The following CHD2 variants were observed in gnomAD, a reference collection of about 807,000 sequenced individuals.
CHD2 encodes the protein ATP-dependent chromatin remodeler CHD2.
A neutral mutation model predicts 243.9 loss-of-function variants in CHD2; 28 were observed. The observed-to-expected ratio is 0.11, with a 90% CI of 0.09 to 0.16. CHD2 has a LOEUF of 0.16. CHD2 is among the 10% of genes least tolerant of loss of function. The pLI is 1.00. For missense variants in CHD2, 1,386 were observed against 2,209.8 expected, an observed-to-expected ratio of 0.63 and a Z score of 7.47; for synonymous variants, 775 against 779.0, an observed-to-expected ratio of 0.99 and a Z score of 0.09.
intron 22 of CHD2, among the ~76,000 whole-genome samples, chr15:92,980,211 A>AT (rs1206516115): frequency 1.8e-5 from 2 of 112,806 alleles, no homozygotes; most frequent in African/African-American, 6.2e-5. Flanking sequence ...CACCTAGCTA[A>AT]TTTTTTTTTT....
Position 92,997,832 on chromosome 15 carries a change from C to G in CHD2, c.3885+429C>G, listed in dbSNP as rs1452951779. 1.3e-5 allele frequency among the ~76,000 whole-genome samples: 2 copies of G among 152,154 alleles called. No individual in the cohort carries two copies. Among genetic ancestry groups the G allele is most frequent in the East Asian group, 1.9e-4 (1 of 5,186 alleles). On this transcript the variant is annotated intron_variant, in intron 30 of 38. Coordinates refer to ENST00000394196, the MANE Select transcript of CHD2 (RefSeq NM_001271.4). This position sits in a 1 kb window ranked among gnomAD's most constrained non-coding sequence, Gnocchi z 4.1. ...GTAATGGAATTAAACATTGGCTGTT[C>G]TTCTCCCACAAAATCGAGCCTCCCA...
At chr15:93,010,975 C>G (rs1469283917) in intron 35 of CHD2, among the ~76,000 whole-genome samples, 1 of 152,112 alleles carries the variant, frequency 6.6e-6, no homozygotes, top group Non-Finnish European at 1.5e-5. Context: ...CCACAGCATG[C>G]TTCACACCTA....
At chr15:92,904,219 G>T (rs1318364606) in intron 2 of CHD2, among the ~76,000 whole-genome samples, 2 of 152,230 alleles carry the variant, frequency 1.3e-5, no homozygotes, top group Non-Finnish European at 1.5e-5. Flanking sequence ...TTGTGCCGCA[G>T]CGCTGACAGA....
At chr15:92,932,521 C>G (rs1176536936) in intron 5 of CHD2, among the ~76,000 whole-genome samples, 3 of 148,500 alleles carry the variant, frequency 2.0e-5, no homozygotes, top group Non-Finnish European at 4.4e-5. Context: ...TCAATTCCCA[C>G]CTATGAGTGA....
intron 28 of CHD2, among the ~76,000 whole-genome samples, chr15:92,996,167 T>C (rs1370569331): frequency 6.7e-6 from 1 of 149,440 alleles, no homozygotes; most frequent in East Asian, 1.9e-4. Context: ...TTTCTTTTTT[T>C]TTTTTTTTTT....
At chr15:92,934,673 CTCAG>C in intron 5 of CHD2, among the ~76,000 whole-genome samples, 1 of 152,318 alleles carries the variant, frequency 6.6e-6, no homozygotes, top group East Asian at 1.9e-4. Flanking sequence ...TTTGTAACAG[CTCAG>C]TCACTTTTTT....
At chr15:92,938,311 T>TA (rs1398524585) in intron 6 of CHD2, among the ~76,000 whole-genome samples, 1 of 152,256 alleles carries the variant, frequency 6.6e-6, no homozygotes, top group Non-Finnish European at 1.5e-5. Flanking sequence ...TCAAAAACAA[T>TA]TCTGTTCTCA....
At chr15:93,020,539 A>G (rs2054522071) in intron 38 of CHD2, 1 of 585,840 alleles carries the variant, frequency 1.7e-6, no homozygotes, top group African/African-American at 1.9e-5. Context: ...AACAACCAAA[A>G]TTATTAAGCT....
At chr15:92,928,288 A>G (rs535393418) in intron 4 of CHD2, among the ~76,000 whole-genome samples, 1 of 152,350 alleles carries the variant, frequency 6.6e-6, no homozygotes, top group South Asian at 2.1e-4. Context: ...CATGTTTGTT[A>G]AAACCAATCA....
chr15:92,905,439 A>G (rs561330779), intron 2 of CHD2, among the ~76,000 whole-genome samples: 2 of 152,352 alleles, frequency 1.3e-5, no homozygotes, highest in African/African-American at 2.4e-5. Flanking sequence ...TCTACTGTGG[A>G]CAAAGTTTTT....
At chr15:92,992,658 A>C (rs773337243) in intron 27 of CHD2, among the ~76,000 whole-genome samples, 1 of 152,214 alleles carries the variant, frequency 6.6e-6, no homozygotes, top group African/African-American at 2.4e-5. Flanking sequence ...TCAAGACACA[A>C]TTCTTTATGA....
chr15:92,960,222 G>GTGTGTA (rs1349635724), intron 16 of CHD2, among the ~76,000 whole-genome samples: 2 of 152,110 alleles, frequency 1.3e-5, no homozygotes, highest in East Asian at 3.9e-4. Flanking sequence ...TTTCTACTGT[G>GTGTGTA]TGTGTATGTG....
intron 17 of CHD2, among the ~76,000 whole-genome samples, chr15:92,969,513 G>T (rs1324865840): frequency 6.6e-6 from 1 of 152,198 alleles, no homozygotes; most frequent in Non-Finnish European, 1.5e-5. Context: ...CAGAAGACTG[G>T]CCTCTTTCTG....
At chr15:92,949,899 TG>T (rs1486891577) in intron 13 of CHD2, among the ~76,000 whole-genome samples, 1 of 152,332 alleles carries the variant, frequency 6.6e-6, no homozygotes, top group African/African-American at 2.4e-5. Flanking sequence ...CCTGACTCAT[TG>T]GGTTCTTACT....
chr15:92,929,117 T>C, intron 5 of CHD2, 26 bp downstream of exon 5: 1 of 1,584,424 alleles, frequency 6.3e-7, no homozygotes, highest in Non-Finnish European at 8.6e-7. Flanking sequence ...GGGAAATTAT[T>C]CAATCTAGTA....
chr15:93,007,202 C>T (rs1008616101), intron 34 of CHD2, among the ~76,000 whole-genome samples: 1 of 152,204 alleles, frequency 6.6e-6, no homozygotes, highest in Non-Finnish European at 1.5e-5. Context: ...GCCTTAGAAA[C>T]AGTTGTTAAT....
chr15:93,016,741 C>T (rs565878538), intron 37 of CHD2, among the ~76,000 whole-genome samples: 2 of 127,766 alleles, frequency 1.6e-5, no homozygotes, highest in South Asian at 5.1e-4. Flanking sequence ...AGGATTGCAC[C>T]ACTGCGCTCC....
chr15:93,004,502 A>G, intron 33 of CHD2, 115 bp from the exon 34 acceptor site: 1 of 1,010,026 alleles, frequency 9.9e-7, no homozygotes, highest in Non-Finnish European at 1.4e-6. Flanking sequence ...TTTTTAAAAA[A>G]TAAACTGAGA....
chr15:92,915,159 A>G (rs747789069), intron 2 of CHD2, among the ~76,000 whole-genome samples: 2 of 152,182 alleles, frequency 1.3e-5, no homozygotes, highest in Non-Finnish European at 2.9e-5. Flanking sequence ...GACTGCTGAG[A>G]GCACTGCTGA....
Sources: gnomAD v4.1 joint callset for allele counts (sites outside exome capture counted in the v4.1 genomes callset) on GRCh38, gnomAD v4.1.1 for gene constraint, Gnocchi (gnomAD v3.1) non-coding constraint, MANE v1.5 for transcripts, NCBI Gene and HGNC (gene_info 2026-07-23, HGNC 2026-07-21) for gene names.